The following MAMSTR variants were observed in gnomAD, a reference collection of about 807,000 sequenced individuals.
MAMSTR encodes the protein MEF2-activating motif and SAP domain-containing transcriptional regulator.
A neutral mutation model predicts 42.7 loss-of-function variants in MAMSTR; 41 were observed. The observed-to-expected ratio is 0.96, with a 90% CI of 0.75 to 1.25. The LOEUF (loss-of-function observed/expected upper bound fraction) is 1.25, where lower values mean the gene tolerates loss of function less well. MAMSTR is among the 50% of genes most tolerant of loss of function. MAMSTR has a pLI of 0.00. For missense variants in MAMSTR, 567 were observed against 557.6 expected, an observed-to-expected ratio of 1.02 and a Z score of -0.17; for synonymous variants, 265 against 244.1, an observed-to-expected ratio of 1.09 and a Z score of -0.80.
At chr19:48,718,536 C>T (rs1013297047) in intron 2 of MAMSTR, among the ~76,000 whole-genome samples, 1 of 151,928 alleles carries the variant, frequency 6.6e-6, no homozygotes, top group Non-Finnish European at 1.5e-5. Flanking sequence ...TACAGGCATG[C>T]GCCACCACAC....
chr19:48,714,666 C>A (rs1412466417), intron 6 of MAMSTR, 106 bp from the exon 7 acceptor site: 3 of 1,276,580 alleles, frequency 2.4e-6, no homozygotes, highest in African/African-American at 3.0e-5. Flanking sequence ...CACTGGGGGT[C>A]CGGACTCCTG....
At chr19:48,716,654 C>T (rs1307223170) in intron 3 of MAMSTR, 51 bp downstream of exon 3, 10 of 1,329,658 alleles carry the variant, frequency 7.5e-6, no homozygotes, top group Non-Finnish European at 1.9e-6. Flanking sequence ...CAGGATATCC[C>T]AGTGGGGAGT....
chr19:48,707,892 G>GAAAGAA (rs2032675669), downstream of MAMSTR, among the ~76,000 whole-genome samples: 1 of 102,382 alleles, frequency 9.8e-6, no homozygotes, highest in Non-Finnish European at 2.1e-5. Flanking sequence ...AGAAAGAAAA[G>GAAAGAA]AAAGAAAGAA....
intron 5 of MAMSTR, 125 bp from the exon 6 acceptor site, chr19:48,715,033 C>T: frequency 2.8e-6 from 2 of 715,668 alleles, no homozygotes; most frequent in South Asian, 1.9e-5. Context: ...TTCTGGGTCT[C>T]CAAGGGCGCA....
chr19:48,708,454 A>C (rs76144168), downstream of MAMSTR, among the ~76,000 whole-genome samples: 3,034 of 152,228 alleles, frequency 0.02, 90 homozygotes, highest in African/African-American at 0.067. Context: ...CAGAGGAAAG[A>C]AGGAAGGTGC....
chr19:48,716,606 C>T, intron 3 of MAMSTR, 99 bp downstream of exon 3: 2 of 1,250,648 alleles, frequency 1.6e-6, no homozygotes, highest in Non-Finnish European at 2.1e-6. Context: ...GGAGACTGAG[C>T]TGCAGGAACC....
At position 48,716,728 on chromosome 19, in the gene MAMSTR, A is replaced by C; in HGVS notation, c.74T>G (p.Ile25Ser). 1 of 1,332,882 alleles carries C rather than the reference A, an allele frequency of 7.5e-7. No homozygotes were observed. Among genetic ancestry groups the C allele is most frequent in the Non-Finnish European group, 9.7e-7 (1 of 1,031,396 alleles). The allele number at this position is 1,332,882 out of a possible 1,614,324, so 82.6% of individuals were successfully genotyped here. Residue 25 changes from isoleucine to serine, a missense_variant, in exon 3 of 10, where the codon ATC (isoleucine) becomes AGC (serine). Transcript: ENST00000318083. The stretch of plus-strand genomic sequence containing the variant: ...ACTCTGCTCCTGATTCCGTCTGTGG[A>C]TCCGAAGCTGGAGGACTGTGGAGGG... ...SKFRSVLQLR[I>S]HRRNQEQISD...
Position 48,714,466 on chromosome 19 carries a change from G to A in MAMSTR, c.623C>T (p.Pro208Leu). 1.5e-6 allele frequency: 2 copies of A among 1,360,126 alleles called. No individual in the cohort carries two copies. Among genetic ancestry groups the A allele is most frequent in the Non-Finnish European group, 1.9e-6 (2 of 1,067,922 alleles). 84.3% of individuals were successfully genotyped at this position (1,360,126 alleles called of 1,614,324 possible). The change falls in exon 7 of 10, where the codon CCC becomes CTC. Residue 208 changes from proline to leucine, a missense_variant. Transcript: ENST00000318083. ...LLERMRGGAPPRERPKPRRED... is the reference protein window; with the variant it reads ...LLERMRGGAPLRERPKPRRED... Reference sequence around the variant, plus strand: ...GCGCCGCGGCTTCGGCCGCTCGCGGGGCGGCGCGCCGCCGCGCATGCGCTC... The same window carrying A: ...GCGCCGCGGCTTCGGCCGCTCGCGGAGCGGCGCGCCGCCGCGCATGCGCTC...
At chr19:48,716,899 C>T in intron 2 of MAMSTR, 156 bp from the exon 3 acceptor site, 2 of 1,216,806 alleles carry the variant, frequency 1.6e-6, no homozygotes, top group South Asian at 8.3e-5. Flanking sequence ...CAGCAGGCTC[C>T]CTTCCTCGGG....
At chr19:48,713,797 C>T in intron 8 of MAMSTR, 27 bp from the exon 9 acceptor site, 1 of 1,614,234 alleles carries the variant, frequency 6.2e-7, no homozygotes, top group Non-Finnish European at 8.5e-7. Flanking sequence ...TTGGCGTGAA[C>T]TCGGGACTGC....
chr19:48,713,219 T>C lies in MAMSTR; in HGVS notation c.*48A>G, dbSNP rs1436294264. Reference sequence around the variant, plus strand: ...AGTTCCCTCTCCTCCCACAAGGAGCTTCTCTCCACCCCCATCAGTTCTCTG... The same window carrying C: ...AGTTCCCTCTCCTCCCACAAGGAGCCTCTCTCCACCCCCATCAGTTCTCTG... On this transcript the variant is annotated 3_prime_UTR_variant, in exon 10 of 10. Transcript: ENST00000318083. The C allele has an allele frequency of 6.6e-7, 1 of 1,511,934 alleles. No homozygotes were observed. Among genetic ancestry groups the C allele is most frequent in the Admixed American group, 2.3e-5 (1 of 43,476 alleles). The allele number at this position is 1,511,934 out of a possible 1,614,324, so 93.7% of individuals were successfully genotyped here. A position where few individuals can be genotyped will look rare whatever the true frequency, so the allele number is the denominator to read the frequency against.
downstream of MAMSTR, among the ~76,000 whole-genome samples, chr19:48,708,229 A>G (rs372667689): frequency 0.028 from 2,516 of 90,520 alleles, 69 homozygotes; most frequent in African/African-American, 0.094. Context: ...AGTGAACTCC[A>G]TCAAAAAAAA....
chr19:48,714,278 CA>C (rs1483046339), intron 7 of MAMSTR, 87 bp downstream of exon 7: 2 of 1,157,098 alleles, frequency 1.7e-6, no homozygotes, highest in Non-Finnish European at 2.3e-6. Flanking sequence ...CTCGCCCCCA[CA>C]CTTCATTGGC....
chr19:48,717,113 A>G (rs12611143), intron 2 of MAMSTR: 1 of 287,612 alleles, frequency 3.5e-6, no homozygotes, highest in Non-Finnish European at 5.0e-6. Flanking sequence ...TTATCCATGC[A>G]CTCCTGCTAC....
At chr19:48,705,892 A>C in the MAMSTR span, 2 of 166,592 alleles carry the variant, frequency 1.2e-5, no homozygotes, top group Non-Finnish European at 2.9e-5. Context: ...CGACGTAGTG[A>C]TACCCTGACT....
Position 48,716,763 on chromosome 19 carries a change from G to A in MAMSTR, c.59-20C>T. On this transcript the variant is annotated intron_variant, in intron 2 of 9. Coordinates refer to ENST00000318083, the MANE Select transcript of MAMSTR (RefSeq NM_001130915.2). The stretch of plus-strand genomic sequence containing the variant: ...GGAGGACTGTGGAGGGAGGAGGGAG[G>A]TGGGAGGAGGAAGGCGGGAAGGGAG... 1.5e-6 allele frequency: 2 copies of A among 1,295,448 alleles called. No individual in the cohort carries two copies. Among genetic ancestry groups the A allele is most frequent in the Non-Finnish European group, 2.0e-6 (2 of 1,011,046 alleles). 80.2% of individuals were successfully genotyped at this position (1,295,448 alleles called of 1,614,324 possible).
intron 7 of MAMSTR, 147 bp from the exon 8 acceptor site, chr19:48,714,192 C>G (rs1465609913): frequency 4.8e-6 from 5 of 1,052,002 alleles, no homozygotes; most frequent in Admixed American, 3.2e-5. Context: ...CTTTCATTGG[C>G]TCCTCTTCTC....
In MAMSTR at chr19:48,716,698, T is replaced by C. The variant is rs2122346317; in HGVS notation, c.97+7A>G. ...ACCATCCCCTCCCTTTTGGGGCCCA[T>C]ACTTACTCTGCTCCTGATTCCGTCT... On this transcript the variant is annotated splice_region_variant and intron_variant, in intron 3 of 9. Transcript: ENST00000318083. 1.5e-6 allele frequency: 2 copies of C among 1,336,266 alleles called. No homozygotes were observed. The highest frequency in any genetic ancestry group is 9.7e-7 in the Non-Finnish European group (1 of 1,035,058). 82.8% of individuals were successfully genotyped at this position (1,336,266 alleles called of 1,614,324 possible). A position where few individuals can be genotyped will look rare whatever the true frequency, so the allele number is the denominator to read the frequency against.
chr19:48,715,898 G>A, intron 3 of MAMSTR, 131 bp from the exon 4 acceptor site: 1 of 1,449,280 alleles, frequency 6.9e-7, no homozygotes, highest in South Asian at 1.5e-5. Context: ...ATTGCTGGGA[G>A]ATGGGCGCCT....
Sources: gnomAD v4.1 joint callset for allele counts (sites outside exome capture counted in the v4.1 genomes callset) on GRCh38, gnomAD v4.1.1 for gene constraint, MANE v1.5 for transcripts, NCBI Gene and HGNC (gene_info 2026-07-23, HGNC 2026-07-21) for gene names.